Variants in IRAK2 observed in about 807,000 individuals in gnomAD.
IRAK2 encodes interleukin-1 receptor-associated kinase-like 2.
Under a neutral mutation model 72.0 loss-of-function variants are expected in IRAK2, and 57 were observed. The ratio of observed to expected loss-of-function variants is 0.79; its 90% confidence interval spans 0.64 to 0.99. The LOEUF (loss-of-function observed/expected upper bound fraction) is 0.99, where lower values mean the gene tolerates loss of function less well. IRAK2 is among the 50% of genes least tolerant of loss of function. The pLI is 0.00. For synonymous variants in IRAK2, 293 were observed against 312.7 expected, an observed-to-expected ratio of 0.94 and a Z score of 0.67; for missense variants, 790 against 794.4, an observed-to-expected ratio of 0.99 and a Z score of 0.07.
chr3:10,180,489 A>C (rs778748807), intron 2 of IRAK2, among the ~76,000 whole-genome samples: 3 of 152,154 alleles, frequency 2.0e-5, no homozygotes, highest in Non-Finnish European at 4.4e-5. Flanking sequence ...TAGGAAGAAG[A>C]CAGCCACATG....
chr3:10,234,645 A>G lies in IRAK2; in HGVS notation c.1459A>G (p.Thr487Ala), dbSNP rs1156921756. 1 of 1,612,422 alleles carries G rather than the reference A, an allele frequency of 6.2e-7. No individual in the cohort carries two copies. The highest frequency in any genetic ancestry group is 1.1e-5 in the South Asian group (1 of 91,042). Residue 487 changes from threonine to alanine, a missense_variant, in exon 11 of 13, where the codon ACC (threonine) becomes GCC (alanine). Transcript: ENST00000256458. ...AACLCLRRRNTSLQEVCGSVA... is the reference protein window; with the variant it reads ...AACLCLRRRNASLQEVCGSVA... ...CTGCCTGTGCCTGCGGAGGCGTAAC[A>G]CCAGCCTGCAGGAGGTGAGCCTCGC...
intron 10 of IRAK2, among the ~76,000 whole-genome samples, chr3:10,233,570 A>G (rs1451917560): frequency 2.6e-5 from 4 of 152,198 alleles, no homozygotes; most frequent in Non-Finnish European, 5.9e-5. Flanking sequence ...TACAAAATGT[A>G]TAAGAAGTAT....
intron 12 of IRAK2, among the ~76,000 whole-genome samples, chr3:10,239,321 C>T (rs1482181361): frequency 6.6e-6 from 1 of 152,174 alleles, no homozygotes; most frequent in Non-Finnish European, 1.5e-5. Flanking sequence ...GAGCTCCTGT[C>T]CTCAGGGGAC....
Position 10,164,919 on chromosome 3 carries a change from A to T in IRAK2, c.-36A>T. 7.2e-7 allele frequency: 1 copy of T among 1,384,394 alleles called. No individual in the cohort carries two copies. 85.8% of individuals were successfully genotyped at this position (1,384,394 alleles called of 1,614,324 possible). On this transcript the variant is annotated 5_prime_UTR_variant, in exon 1 of 13. Coordinates refer to ENST00000256458, the MANE Select transcript of IRAK2 (RefSeq NM_001570.4). ...AGCCGCAGCCCGCAGTGTCCGACCCAGTCGTCCCGCGCCGGAGCCGGCCCC... is the reference window on the plus strand; with the variant it reads ...AGCCGCAGCCCGCAGTGTCCGACCCTGTCGTCCCGCGCCGGAGCCGGCCCC...
chr3:10,213,194 T>C lies in IRAK2; in HGVS notation c.529-13T>C. 1 of 1,611,870 alleles carries C rather than the reference T, an allele frequency of 6.2e-7. No individual in the cohort carries two copies. Among genetic ancestry groups the C allele is most frequent in the Non-Finnish European group, 8.5e-7 (1 of 1,178,224 alleles). ...TCCATAGTAATCTCCATCTCTTCTC[T>C]CTGGGTCTCCAGGACTTCAGCACCT... On this transcript the variant is annotated splice_polypyrimidine_tract_variant and intron_variant, in intron 4 of 12. Coordinates refer to ENST00000256458, the MANE Select transcript of IRAK2 (RefSeq NM_001570.4).
At chr3:10,202,332 C>T (rs1697371500) in intron 3 of IRAK2, among the ~76,000 whole-genome samples, 4 of 152,314 alleles carry the variant, frequency 2.6e-5, no homozygotes, top group African/African-American at 9.6e-5. Flanking sequence ...TAAAGATAAA[C>T]ATCACAGCCA....
intron 2 of IRAK2, among the ~76,000 whole-genome samples, chr3:10,185,126 C>T (rs544804021): frequency 6.6e-6 from 1 of 151,484 alleles, no homozygotes; most frequent in Non-Finnish European, 1.5e-5. Context: ...GCATCCTAAG[C>T]ATCAGTATCA....
At chr3:10,168,331 C>T (rs1326567780) in intron 1 of IRAK2, among the ~76,000 whole-genome samples, 1 of 151,720 alleles carries the variant, frequency 6.6e-6, no homozygotes, top group African/African-American at 2.4e-5. Context: ...GTGCCTCAGC[C>T]TCCCAAGTAG....
chr3:10,222,965 G>A, intron 9 of IRAK2, 134 bp downstream of exon 9: 1 of 746,360 alleles, frequency 1.3e-6, no homozygotes, highest in South Asian at 1.8e-5. Flanking sequence ...GACAAACTGT[G>A]GCCCACAGGC....
At chr3:10,214,776 C>G (rs1031839644) in intron 6 of IRAK2, among the ~76,000 whole-genome samples, 1 of 151,696 alleles carries the variant, frequency 6.6e-6, no homozygotes, top group African/African-American at 2.4e-5. Flanking sequence ...GAGACCCTGT[C>G]TCAACTGAAA....
chr3:10,166,730 C>T (rs565655537), intron 1 of IRAK2, among the ~76,000 whole-genome samples: 31 of 152,226 alleles, frequency 2.0e-4, no homozygotes, highest in African/African-American at 5.1e-4. Context: ...CTGCAGCTTC[C>T]GCCTCTTGGA....
Position 10,213,218 on chromosome 3 carries a change from C to T in IRAK2, c.540C>T (p.Thr180=). The T allele has an allele frequency of 6.2e-7, 1 of 1,614,084 alleles. No homozygotes were observed. The highest frequency in any genetic ancestry group is 8.5e-7 in the Non-Finnish European group (1 of 1,179,986). The part of the protein sequence containing the change: ...PTSSDSKDFS[T]SIPKQEKLLS... The stretch of plus-strand genomic sequence containing the variant: ...CTCTGGGTCTCCAGGACTTCAGCAC[C>T]TCCATTCCTAAGCAGGAAAAACTTT... The change falls in exon 5 of 13, where the codon ACC becomes ACT. Residue 180 remains threonine (T), a synonymous_variant. Transcript: ENST00000256458.
chr3:10,191,136 TA>T (rs887915406), intron 2 of IRAK2, among the ~76,000 whole-genome samples: 2 of 150,874 alleles, frequency 1.3e-5, no homozygotes, highest in Non-Finnish European at 3.0e-5. Flanking sequence ...CTACTAAAAA[TA>T]AAAAAAAATT....
At chr3:10,200,859 C>T (rs927946451) in intron 3 of IRAK2, among the ~76,000 whole-genome samples, 2 of 152,192 alleles carry the variant, frequency 1.3e-5, no homozygotes, top group South Asian at 2.1e-4. Context: ...TATGATCACA[C>T]CACTGCACTC....
At chr3:10,172,141 T>C (rs1328454273) in intron 1 of IRAK2, among the ~76,000 whole-genome samples, 1 of 149,684 alleles carries the variant, frequency 6.7e-6, no homozygotes, top group Non-Finnish European at 1.5e-5. Flanking sequence ...GAGGCTGAGG[T>C]GGGTGGATCA....
intron 2 of IRAK2, among the ~76,000 whole-genome samples, chr3:10,196,196 C>T (rs1034223384): frequency 2.0e-5 from 3 of 152,224 alleles, no homozygotes; most frequent in African/African-American, 7.2e-5. Context: ...CACACTGCAG[C>T]CTCCGCCTCC....
At chr3:10,223,090 C>G (rs1490313034) in intron 9 of IRAK2, among the ~76,000 whole-genome samples, 2 of 152,186 alleles carry the variant, frequency 1.3e-5, no homozygotes, top group African/African-American at 2.4e-5. Flanking sequence ...ACATGCTCCC[C>G]AAAAGCTCAC....
chr3:10,188,672 A>G (rs1296096975), intron 2 of IRAK2, among the ~76,000 whole-genome samples: 1 of 152,212 alleles, frequency 6.6e-6, no homozygotes, highest in Non-Finnish European at 1.5e-5. Flanking sequence ...GATTACAGGC[A>G]TGCGCCACCA....
intron 2 of IRAK2, among the ~76,000 whole-genome samples, chr3:10,196,520 C>T (rs987085084): frequency 3.9e-5 from 6 of 152,238 alleles, no homozygotes; most frequent in African/African-American, 1.4e-4. Context: ...TGGAGAGAAA[C>T]TGGCTTCTAG....
Sources: gnomAD v4.1 joint callset for allele counts (sites outside exome capture counted in the v4.1 genomes callset) on GRCh38, gnomAD v4.1.1 for gene constraint, MANE v1.5 for transcripts, NCBI Gene and HGNC (gene_info 2026-07-23, HGNC 2026-07-21) for gene names.